Variants in CELF2 observed in about 807,000 individuals in gnomAD.
The protein encoded by CELF2 is CUG triplet repeat RNA-binding protein 2.
Under a neutral mutation model 62.6 loss-of-function variants are expected in CELF2, and 8 were observed. The observed-to-expected ratio is 0.13, with a 90% CI of 0.07 to 0.23. The LOEUF (loss-of-function observed/expected upper bound fraction) is 0.23. CELF2 is among the 10% of genes least tolerant of loss of function. CELF2 has a pLI of 1.00. For missense variants in CELF2, 333 were observed against 671.0 expected (o/e 0.50, Z 5.56); for synonymous variants, 258 against 250.0 (o/e 1.03, Z -0.30).
chr10:11,292,771 C>T (rs1463726176), intron 9 of CELF2, among the ~76,000 whole-genome samples: 2 of 152,186 alleles, frequency 1.3e-5, no homozygotes, highest in Non-Finnish European at 2.9e-5. Context: ...GCTGCCTGCC[C>T]CACCCTGCTA....
rs2066865103 is a variant in CELF2, at chr10:11,227,005, C to G, written c.354+9498C>G. ...TTAATGCCCAGCTCCGTCCAACTGT[C>G]CTCGCCATTGCTCTGCTTCCGTGTT... On this transcript the variant is annotated intron_variant, in intron 3 of 12. Coordinates refer to ENST00000633077, the MANE Select transcript of CELF2 (RefSeq NM_001326342.2). The surrounding 1 kb of genome is among the most constrained non-coding windows in gnomAD (Gnocchi z 4.8). 6.6e-6 allele frequency among the ~76,000 whole-genome samples: 1 copy of G among 152,186 alleles called. No homozygotes were observed. Among genetic ancestry groups the G allele is most frequent in the South Asian group, 2.1e-4 (1 of 4,830 alleles).
chr10:10,653,406 G>A, the CELF2 span, among the ~76,000 whole-genome samples: 58,820 of 141,460 alleles, frequency 0.42, 12,593 homozygotes, highest in South Asian at 0.67. Context: ...CAAATCAACA[G>A]AATATACAAT....
the CELF2 span, among the ~76,000 whole-genome samples, chr10:10,755,794 A>G: frequency 6.6e-6 from 1 of 152,216 alleles, no homozygotes; most frequent in Non-Finnish European, 1.5e-5. Context: ...CTGAGTGGAA[A>G]ATCAGCCAGT....
At chr10:10,933,787 T>C (rs1421474038) in intron 2 of CELF2, among the ~76,000 whole-genome samples, 1 of 152,250 alleles carries the variant, frequency 6.6e-6, no homozygotes, top group Non-Finnish European at 1.5e-5. Context: ...GATTTTCTTA[T>C]GGCCAAAGAA....
Position 11,165,513 on chromosome 10 carries a change from A to G in CELF2, c.102A>G (p.Gly34=). Residue 34 remains glycine (G), a synonymous_variant, in exon 2 of 13, where the codon GGA becomes GGG. Coordinates refer to ENST00000633077, the MANE Select transcript of CELF2 (RefSeq NM_001326342.2). This position sits in a 1 kb window ranked among gnomAD's most constrained non-coding sequence, Gnocchi z 7.4. ...RINGTANKMN[G]ALDHSDQPDP... ...ACGGCACAGCCAACAAGATGAACGG[A>G]GCTTTGGATCACTCAGACCAACCAG... 3 of 1,613,688 alleles carry G rather than the reference A, an allele frequency of 1.9e-6. No individual in the cohort carries two copies. Among genetic ancestry groups the G allele is most frequent in the Middle Eastern group, 1.7e-4 (1 of 6,056 alleles).
intron 1 of CELF2, among the ~76,000 whole-genome samples, chr10:11,125,861 A>C (rs187830630): frequency 6.6e-6 from 1 of 151,256 alleles, no homozygotes; most frequent in Non-Finnish European, 1.5e-5. Flanking sequence ...ACGGAGTAAT[A>C]CTCTGCGCTT....
At chr10:10,694,688 G>T in the CELF2 span, among the ~76,000 whole-genome samples, 5 of 151,570 alleles carry the variant, frequency 3.3e-5, no homozygotes, top group Admixed American at 1.3e-4. Context: ...TTATGAATCT[G>T]GGTGCTCCTG....
chr10:10,499,589 A>G, the CELF2 span, among the ~76,000 whole-genome samples: 2 of 152,292 alleles, frequency 1.3e-5, no homozygotes, highest in Middle Eastern at 3.4e-3. Flanking sequence ...TGCAGAAATA[A>G]GAACTCCTGG....
At chr10:10,707,940 A>G in the CELF2 span, among the ~76,000 whole-genome samples, 1 of 152,188 alleles carries the variant, frequency 6.6e-6, no homozygotes, top group Admixed American at 6.5e-5. Context: ...AGGAATAAAT[A>G]TAATTTTATG....
chr10:11,300,179 A>G lies in CELF2; in HGVS notation c.976+11627A>G, dbSNP rs1180890870. Among the ~76,000 whole-genome samples the G allele has an allele frequency of 6.6e-6, 1 of 152,204 alleles. No individual in the cohort carries two copies. The highest frequency in any genetic ancestry group is 1.5e-5 in the Non-Finnish European group (1 of 68,038). On this transcript the variant is annotated intron_variant, in intron 9 of 12. Transcript: ENST00000633077. The surrounding 1 kb of genome is among the most constrained non-coding windows in gnomAD (Gnocchi z 5.5). ...CACAAGCCTTTGGGAATGAACATTA[A>G]AGGAGTGGAAACAGGACAGCTGCTT...
At chr10:10,881,602 G>C (rs1005889745) in intron 1 of CELF2, among the ~76,000 whole-genome samples, 1 of 152,094 alleles carries the variant, frequency 6.6e-6, no homozygotes, top group Non-Finnish European at 1.5e-5. Flanking sequence ...GAAATGAAAT[G>C]TTATGAGTCA....
chr10:10,980,964 A>G (rs2052020079), intron 2 of CELF2, among the ~76,000 whole-genome samples: 1 of 152,122 alleles, frequency 6.6e-6, no homozygotes, highest in African/African-American at 2.4e-5. Flanking sequence ...CTGGCATGAC[A>G]GCACATATTA....
At chr10:11,009,317 TTGTGTG>T (rs753208265) in intron 1 of CELF2, among the ~76,000 whole-genome samples, 6 of 133,774 alleles carry the variant, frequency 4.5e-5, no homozygotes, top group Non-Finnish European at 9.1e-5. Flanking sequence ...AAGATGGAAG[TTGTGTG>T]TGTGTGTGTG....
chr10:10,494,915 T>C, the CELF2 span, among the ~76,000 whole-genome samples: 1 of 152,090 alleles, frequency 6.6e-6, no homozygotes. Context: ...CTTGGGCTAT[T>C]TTAAGTTAAT....
At chr10:10,920,658 G>C (rs191015738) in intron 2 of CELF2, among the ~76,000 whole-genome samples, 106 of 151,850 alleles carry the variant, frequency 7.0e-4, no homozygotes, top group African/African-American at 2.4e-3. Flanking sequence ...AGCCATCAAG[G>C]ATGATTACCA....
the CELF2 span, among the ~76,000 whole-genome samples, chr10:10,740,591 A>G: frequency 6.6e-6 from 1 of 152,202 alleles, no homozygotes; most frequent in Admixed American, 6.5e-5. Flanking sequence ...GCCCTCCCAA[A>G]AAAAAGATGT....
intron 2 of CELF2, among the ~76,000 whole-genome samples, chr10:10,929,318 T>C (rs1048167813): frequency 1.3e-5 from 2 of 152,194 alleles, no homozygotes; most frequent in Admixed American, 6.5e-5. Flanking sequence ...TTTATAACAT[T>C]GGAAGAATTA....
chr10:10,665,082 A>G, the CELF2 span, among the ~76,000 whole-genome samples: 1 of 152,236 alleles, frequency 6.6e-6, no homozygotes, highest in South Asian at 2.1e-4. Flanking sequence ...TGGGCACTTT[A>G]CAGGTTTATT....
chr10:10,740,616 G>C, the CELF2 span, among the ~76,000 whole-genome samples: 1 of 152,114 alleles, frequency 6.6e-6, no homozygotes, highest in Non-Finnish European at 1.5e-5. Context: ...ACCTTGCAGA[G>C]ATATATGTAC....
Sources: gnomAD v4.1 joint callset for allele counts (sites outside exome capture counted in the v4.1 genomes callset) on GRCh38, gnomAD v4.1.1 for gene constraint, Gnocchi (gnomAD v3.1) non-coding constraint, MANE v1.5 for transcripts, NCBI Gene and HGNC (gene_info 2026-07-23, HGNC 2026-07-21) for gene names.